The following KMT2C variants were observed in gnomAD, a reference collection of about 807,000 sequenced individuals.
The protein encoded by KMT2C is lysine methyltransferase 2C.
In KMT2C, 88 loss-of-function variants were observed where a neutral mutation model predicts 507.9. The ratio of observed to expected loss-of-function variants is 0.17; its 90% CI spans 0.15 to 0.21. The LOEUF (loss-of-function observed/expected upper bound fraction) is 0.21, where lower values mean the gene tolerates loss of function less well. Ranked by LOEUF, KMT2C falls within the 10% of genes least tolerant of loss-of-function variation. KMT2C has a pLI of 1.00. For missense variants in KMT2C, 4,954 were observed against 5,957.8 expected, an observed-to-expected ratio of 0.83 and a Z score of 5.55; for synonymous variants, 2,049 against 2,080.8, an observed-to-expected ratio of 0.98 and a Z score of 0.42.
intron 1 of KMT2C, among the ~76,000 whole-genome samples, chr7:152,360,975 A>C (rs1376278476): frequency 1.3e-5 from 2 of 152,214 alleles, no homozygotes; most frequent in Non-Finnish European, 2.9e-5. Flanking sequence ...GAATTCCAAC[A>C]AACATTGTCA....
At position 152,163,840 on chromosome 7, in the gene KMT2C, A is replaced by G; in HGVS notation, c.9751-14T>C. The G allele has an allele frequency of 6.2e-7, 1 of 1,607,078 alleles. No homozygotes were observed. Among genetic ancestry groups the G allele is most frequent in the Non-Finnish European group, 8.5e-7 (1 of 1,173,602 alleles). ...TTGTTTACGAATCTGGAATAACAAAATGCATCATTACTCATTTCTATACAG... is the reference window on the plus strand; with the variant it reads ...TTGTTTACGAATCTGGAATAACAAAGTGCATCATTACTCATTTCTATACAG... On this transcript the variant is annotated splice_polypyrimidine_tract_variant and intron_variant, in intron 42 of 58. Coordinates refer to ENST00000262189, the MANE Select transcript of KMT2C (RefSeq NM_170606.3).
chr7:152,190,243 C>T (rs2093751296), intron 31 of KMT2C, among the ~76,000 whole-genome samples: 1 of 152,084 alleles, frequency 6.6e-6, no homozygotes, highest in South Asian at 2.1e-4. Flanking sequence ...TATCAAATGT[C>T]TTTCATGTAA....
chr7:152,272,552 T>C (rs987918175), intron 7 of KMT2C, among the ~76,000 whole-genome samples: 4 of 152,192 alleles, frequency 2.6e-5, no homozygotes, highest in African/African-American at 9.7e-5. Flanking sequence ...ACATAAATAG[T>C]AGCCGTAACA....
chr7:152,278,208 G>A (rs1317043360), intron 6 of KMT2C, among the ~76,000 whole-genome samples: 2 of 152,010 alleles, frequency 1.3e-5, no homozygotes, highest in African/African-American at 2.4e-5. Flanking sequence ...CCTCTCCTTT[G>A]CTCCTGTTCT....
In KMT2C at chr7:152,148,972, C is replaced by T; in HGVS notation, c.12955G>A (p.Glu4319Lys). Residue 4319 changes from glutamate (E) to lysine (K), a missense_variant, in exon 52 of 59, where the codon GAG (glutamate) becomes AAG (lysine). By Grantham distance (56) the Glu-to-Lys change is moderately conservative. This residue lies in a region of KMT2C where 417 missense variants were observed against 461.1 expected (regional missense o/e 0.90). Coordinates refer to ENST00000262189, the MANE Select transcript of KMT2C (RefSeq NM_170606.3). The surrounding 1 kb of genome is among the most constrained non-coding windows in gnomAD (Gnocchi z 7.1). Reference sequence around the variant, plus strand: ...ACCTTCAGCTCATCTGGCTTGGCCTCGACTTGGGCTGCTTCAAAAGCAGGA... The same window carrying T: ...ACCTTCAGCTCATCTGGCTTGGCCTTGACTTGGGCTGCTTCAAAAGCAGGA... ...FPPAFEAAQV[E>K]AKPDELKVTV... The T allele has an allele frequency of 6.3e-7, 1 of 1,586,432 alleles. No individual in the cohort carries two copies. Among genetic ancestry groups the T allele is most frequent in the African/African-American group, 1.3e-5 (1 of 74,134 alleles).
intron 23 of KMT2C, among the ~76,000 whole-genome samples, chr7:152,210,496 C>T (rs2094430368): frequency 6.6e-6 from 1 of 152,072 alleles, no homozygotes; most frequent in Admixed American, 6.6e-5. Flanking sequence ...CAGCCCAACA[C>T]AAATTCATAA....
rs771166115 is a variant in KMT2C, at chr7:152,182,130, C to T, written c.5730G>A (p.Val1910=). 1 of 1,614,098 alleles carries T rather than the reference C, an allele frequency of 6.2e-7. No individual in the cohort carries two copies. The highest frequency in any genetic ancestry group is 1.1e-5 in the South Asian group (1 of 91,078). The change falls in exon 36 of 59, where the codon GTG becomes GTA. Residue 1910 remains valine, a synonymous_variant. Coordinates refer to ENST00000262189, the MANE Select transcript of KMT2C (RefSeq NM_170606.3). ...AATTTCTTCTGGAAAAACTATGGCC[C>T]ACAGGAGGTGGTCGAGGGGTACCAA... is the stretch of plus-strand genomic sequence containing the variant. ...KMVGTPRPPP[V]GHSFSRRNSA...
At chr7:152,290,292 ATATTTTTTTTTTTTTTTTTTT>A (rs2096404182) in intron 6 of KMT2C, among the ~76,000 whole-genome samples, 4 of 28,596 alleles carry the variant, frequency 1.4e-4, no homozygotes, top group Non-Finnish European at 2.2e-4. Flanking sequence ...ATATATATAT[ATATTTTTTTTTTTTTTTTTTT>A]TTTTTTTTTT....
At chr7:152,139,887 C>T in intron 55 of KMT2C, 96 bp from the exon 56 acceptor site, 1 of 771,630 alleles carries the variant, frequency 1.3e-6, no homozygotes, top group Non-Finnish European at 2.1e-6. Context: ...TTATTAGAAG[C>T]CATACTTAAG....
intron 24 of KMT2C, among the ~76,000 whole-genome samples, chr7:152,206,472 C>A (rs1274153894): frequency 6.6e-6 from 1 of 152,050 alleles, no homozygotes; most frequent in Non-Finnish European, 1.5e-5. Flanking sequence ...TTTAAGGTCT[C>A]ATGGAATACG....
chr7:152,295,475 T>G (rs900793179), intron 6 of KMT2C, among the ~76,000 whole-genome samples: 10 of 152,192 alleles, frequency 6.6e-5, no homozygotes, highest in Non-Finnish European at 1.5e-4. Flanking sequence ...TGACCCTCTG[T>G]CTAGAATCCC....
intron 5 of KMT2C, among the ~76,000 whole-genome samples, chr7:152,310,665 T>C (rs1400863167): frequency 1.3e-5 from 2 of 151,770 alleles, no homozygotes; most frequent in Non-Finnish European, 2.9e-5. Context: ...TTGGTTCTGT[T>C]TTTTTTTGTT....
At chr7:152,348,599 TAA>T (rs201530125) in intron 2 of KMT2C, among the ~76,000 whole-genome samples, 8 of 48,996 alleles carry the variant, frequency 1.6e-4, no homozygotes, top group African/African-American at 3.0e-4. Flanking sequence ...AACTCTGTCT[TAA>T]AAAAAAAAAA....
At chr7:152,363,925 C>A (rs2097216245) in intron 1 of KMT2C, among the ~76,000 whole-genome samples, 1 of 152,222 alleles carries the variant, frequency 6.6e-6, no homozygotes, top group South Asian at 2.1e-4. Flanking sequence ...TGCGAATCAA[C>A]TGTATTGTCT....
intron 27 of KMT2C, among the ~76,000 whole-genome samples, chr7:152,197,966 T>C (rs2094013918): frequency 6.6e-6 from 1 of 152,120 alleles, no homozygotes; most frequent in African/African-American, 2.4e-5. Context: ...ATCTTTCCTA[T>C]ATGTTCTCTG....
intron 41 of KMT2C, among the ~76,000 whole-genome samples, chr7:152,168,955 T>C (rs1411294818): frequency 6.6e-6 from 1 of 152,214 alleles, no homozygotes; most frequent in Non-Finnish European, 1.5e-5. Flanking sequence ...AGATGGTTTT[T>C]CTGTATTAAA....
intron 6 of KMT2C, among the ~76,000 whole-genome samples, chr7:152,309,027 G>A (rs1485457623): frequency 6.6e-6 from 1 of 151,992 alleles, no homozygotes; most frequent in East Asian, 1.9e-4. Context: ...AAGATGAACT[G>A]AACTGCTGAC....
At chr7:152,153,393 T>A (rs980963189) in intron 48 of KMT2C, among the ~76,000 whole-genome samples, 1 of 152,218 alleles carries the variant, frequency 6.6e-6, no homozygotes, top group African/African-American at 2.4e-5. Flanking sequence ...TGGTCTCTAC[T>A]GAAATGTCTT....
intron 26 of KMT2C, among the ~76,000 whole-genome samples, chr7:152,199,793 A>G (rs1427121579): frequency 6.6e-6 from 1 of 152,178 alleles, no homozygotes; most frequent in Non-Finnish European, 1.5e-5. Flanking sequence ...AGGACAGCAT[A>G]AGACTTTGAT....
Sources: allele counts gnomAD v4.1 joint callset (sites outside exome capture counted in the v4.1 genomes callset), GRCh38; gene constraint gnomAD v4.1.1; regional missense constraint gnomAD v4.1.1; non-coding constraint Gnocchi (gnomAD v3.1); transcripts MANE v1.5; gene names NCBI Gene and HGNC (gene_info 2026-07-23, HGNC 2026-07-21).